The following TMEM63C variants were observed in gnomAD, a reference collection of about 807,000 sequenced individuals.
TMEM63C encodes transmembrane protein 63C, also known as osmosensitive cation channel TMEM63C.
In TMEM63C, 32 loss-of-function variants were observed where a neutral mutation model predicts 99.2. The observed-to-expected ratio is 0.32, with a 90% CI of 0.24 to 0.43. The LOEUF (loss-of-function observed/expected upper bound fraction) is 0.43. TMEM63C is among the 20% of genes least tolerant of loss of function. TMEM63C has a pLI of 1.00. For synonymous variants in TMEM63C, 376 were observed against 397.9 expected (o/e 0.94, Z 0.66); for missense variants, 826 against 1,053.0 (o/e 0.78, Z 2.98).
chr14:77,203,664 C>T (rs542991982), intron 1 of TMEM63C, among the ~76,000 whole-genome samples: 12 of 152,396 alleles, frequency 7.9e-5, no homozygotes, highest in Admixed American at 6.5e-4. Context: ...TGTAATGGAT[C>T]CCTGCCTCTT....
rs770535776 is a variant in TMEM63C at position 77,249,424 on chromosome 14, G to C, written c.2004G>C (p.Leu668=). ...SQAIFAPLLG[L]FWMLFFSILR... is the part of the protein sequence containing the mutation. Reference sequence around the variant, plus strand: ...CCATCTTTGCGCCACTCTTGGGTCTGTTCTGGATGCTGTTCTTCTCCATCC... The same window carrying C: ...CCATCTTTGCGCCACTCTTGGGTCTCTTCTGGATGCTGTTCTTCTCCATCC... The change falls in exon 21 of 24, where the codon CTG becomes CTC. Residue 668 remains leucine, a synonymous_variant. Coordinates refer to ENST00000298351, the MANE Select transcript of TMEM63C (RefSeq NM_020431.4). 6.2e-7 allele frequency: 1 copy of C among 1,613,920 alleles called. No individual in the cohort carries two copies. Among genetic ancestry groups the C allele is most frequent in the Non-Finnish European group, 8.5e-7 (1 of 1,179,902 alleles).
chr14:77,240,513 G>C lies in TMEM63C; in HGVS notation c.969G>C (p.Gln323His). 1 of 1,611,760 alleles carries C rather than the reference G, an allele frequency of 6.2e-7. No individual in the cohort carries two copies. Among genetic ancestry groups the C allele is most frequent in the Non-Finnish European group, 8.5e-7 (1 of 1,179,806 alleles). Reference protein sequence around the residue: ...AEQYYSELEEQLTDEFNAELN... With the variant: ...AEQYYSELEEHLTDEFNAELN... ...AGTATTACAGCGAGCTAGAGGAGCA[G>C]CTAACGGACGAGTTCAACGCCGAGC... The change falls in exon 13 of 24, where the codon CAG becomes CAC. Residue 323 changes from glutamine (Q) to histidine (H), a missense_variant. Coordinates refer to ENST00000298351, the MANE Select transcript of TMEM63C (RefSeq NM_020431.4).
intron 1 of TMEM63C, among the ~76,000 whole-genome samples, chr14:77,203,738 T>C (rs1566618541): frequency 6.6e-6 from 1 of 152,262 alleles, no homozygotes; most frequent in Non-Finnish European, 1.5e-5. Flanking sequence ...ATCTAGACAG[T>C]AATAAATTGT....
At chr14:77,244,101 A>T (rs2140128087) in intron 15 of TMEM63C, among the ~76,000 whole-genome samples, 1 of 152,036 alleles carries the variant, frequency 6.6e-6, no homozygotes, top group South Asian at 2.1e-4. Flanking sequence ...CCTTAGGAGG[A>T]AGTCACTCAA....
intron 13 of TMEM63C, 58 bp from the exon 14 acceptor site, chr14:77,242,289 C>A (rs1376011293): frequency 1.3e-6 from 2 of 1,592,818 alleles, no homozygotes; most frequent in Non-Finnish European, 1.7e-6. Context: ...TGAGACCCTC[C>A]TAAGCCCATC....
intron 1 of TMEM63C, 38 bp from the exon 2 acceptor site, chr14:77,213,408 A>T (rs1282667443): frequency 6.6e-6 from 1 of 152,230 alleles, no homozygotes; most frequent in Non-Finnish European, 1.5e-5. Context: ...TGGGTCTGTA[A>T]GTCTTGTGGT....
rs1445387573 is a variant in TMEM63C at position 77,240,581 on chromosome 14, C to A, written c.1037C>A (p.Thr346Asn). 1.9e-6 allele frequency: 3 copies of A among 1,610,894 alleles called. No homozygotes were observed. Among genetic ancestry groups the A allele is most frequent in the Non-Finnish European group, 2.5e-6 (3 of 1,179,890 alleles). Reference sequence around the variant, plus strand: ...AAGCGGCTGGACCTGATCTTTGTCACCTTCCAGGACTCCAGGATGGCCAAG... The same window carrying A: ...AAGCGGCTGGACCTGATCTTTGTCAACTTCCAGGACTCCAGGATGGCCAAG... ...PLKRLDLIFV[T>N]FQDSRMAKRV... The change falls in exon 13 of 24, where the codon ACC (threonine) becomes AAC (asparagine). Residue 346 changes from threonine to asparagine, a missense_variant. Thr to Asn is a moderately conservative substitution (Grantham distance 65). Transcript: ENST00000298351.
chr14:77,217,449 A>T (rs1888609071), intron 2 of TMEM63C, among the ~76,000 whole-genome samples: 1 of 152,158 alleles, frequency 6.6e-6, no homozygotes. Flanking sequence ...ATTTTTATTT[A>T]TCTTGTTCAC....
intron 1 of TMEM63C, among the ~76,000 whole-genome samples, chr14:77,200,156 T>G (rs1437502992): frequency 6.6e-6 from 1 of 152,220 alleles, no homozygotes; most frequent in Non-Finnish European, 1.5e-5. Flanking sequence ...ATTCAAGTCC[T>G]CATTCAGCCT....
At chr14:77,251,336 A>C (rs890315610) in intron 21 of TMEM63C, among the ~76,000 whole-genome samples, 1 of 152,240 alleles carries the variant, frequency 6.6e-6, no homozygotes, top group African/African-American at 2.4e-5. Context: ...AAATATTCCC[A>C]AATGTAATGT....
At chr14:77,253,503 C>T (rs1889408612) in intron 23 of TMEM63C, 127 bp downstream of exon 23, 3 of 906,864 alleles carry the variant, frequency 3.3e-6, no homozygotes, top group Non-Finnish European at 3.5e-6. Flanking sequence ...TGGGGGACCC[C>T]TGGGCTCCCT....
At chr14:77,215,614 A>AAAAAAAAAG (rs772701077) in intron 2 of TMEM63C, among the ~76,000 whole-genome samples, 1,040 of 76,574 alleles carry the variant, frequency 0.014, 48 homozygotes, top group African/African-American at 0.055. Context: ...AAAAAAAAAA[A>AAAAAAAAAG]AAAAGAAAAG....
intron 1 of TMEM63C, among the ~76,000 whole-genome samples, chr14:77,211,512 C>T (rs183976719): frequency 6.6e-6 from 1 of 152,340 alleles, no homozygotes; most frequent in East Asian, 1.9e-4. Flanking sequence ...CTGGACCATC[C>T]TAACTCTGGG....
At chr14:77,239,561 C>T (rs1474473309) in intron 11 of TMEM63C, 42 bp from the exon 12 acceptor site, 3 of 1,612,576 alleles carry the variant, frequency 1.9e-6, no homozygotes, top group African/African-American at 1.3e-5. Flanking sequence ...CTCTGCTGGC[C>T]CCTGACCTGC....
intron 1 of TMEM63C, among the ~76,000 whole-genome samples, chr14:77,199,848 C>T (rs1344862628): frequency 6.6e-6 from 1 of 152,156 alleles, no homozygotes; most frequent in African/African-American, 2.4e-5. Flanking sequence ...TGTGATGAGC[C>T]GGGCCCACTC....
chr14:77,199,608 C>A (rs567638453), intron 1 of TMEM63C, among the ~76,000 whole-genome samples: 30 of 152,318 alleles, frequency 2.0e-4, no homozygotes, highest in African/African-American at 6.3e-4. Context: ...CTCTCCGAGG[C>A]CTTCCTTGAC....
intron 2 of TMEM63C, among the ~76,000 whole-genome samples, chr14:77,214,466 G>T (rs1888547259): frequency 6.6e-6 from 1 of 151,968 alleles, no homozygotes; most frequent in Admixed American, 6.6e-5. Flanking sequence ...CCCTCTCAGA[G>T]GGTGGTTCCT....
intron 23 of TMEM63C, among the ~76,000 whole-genome samples, chr14:77,254,847 T>A (rs1239468273): frequency 6.6e-6 from 1 of 152,198 alleles, no homozygotes; most frequent in Non-Finnish European, 1.5e-5. Flanking sequence ...AAATAAAAAG[T>A]CCATATTCCC....
At chr14:77,215,002 C>A (rs1283562321) in intron 2 of TMEM63C, among the ~76,000 whole-genome samples, 1 of 152,134 alleles carries the variant, frequency 6.6e-6, no homozygotes, top group Non-Finnish European at 1.5e-5. Flanking sequence ...CTGCTACACC[C>A]TCAACCCTCT....
Sources: gnomAD v4.1 joint callset for allele counts (sites outside exome capture counted in the v4.1 genomes callset) on GRCh38, gnomAD v4.1.1 for gene constraint, MANE v1.5 for transcripts, NCBI Gene and HGNC (gene_info 2026-07-23, HGNC 2026-07-21) for gene names.